Variants in CNTN4 observed in about 807,000 individuals in gnomAD.
CNTN4 encodes the protein contactin 4, also known as contactin-4.
CNTN4 carries 77 observed loss-of-function variants against 122.5 expected under a neutral mutation model. That is an observed-to-expected ratio of 0.63 (90% CI 0.52 to 0.76). The LOEUF (loss-of-function observed/expected upper bound fraction) is 0.76, where lower values mean the gene tolerates loss of function less well. Among genes scored for constraint, CNTN4 ranks in the 30% least tolerant of loss-of-function variants. The pLI, the probability that CNTN4 is intolerant of heterozygous loss-of-function variation, is 0.00. For synonymous variants in CNTN4, 512 were observed against 447.0 expected, an observed-to-expected ratio of 1.15 and a Z score of -1.83; for missense variants, 1,256 against 1,259.1, an observed-to-expected ratio of 1.00 and a Z score of 0.04.
intron 3 of CNTN4, among the ~76,000 whole-genome samples, chr3:2,418,809 G>GC (rs1438622460): frequency 6.6e-6 from 1 of 152,134 alleles, no homozygotes; most frequent in African/African-American, 2.4e-5. Context: ...ATCCATGTTG[G>GC]CTTGCATTGT....
intron 2 of CNTN4, among the ~76,000 whole-genome samples, chr3:2,311,822 T>C (rs2042925612): frequency 6.6e-6 from 1 of 152,078 alleles, no homozygotes; most frequent in African/African-American, 2.4e-5. Flanking sequence ...TAGAAACATG[T>C]TTTCCAAGCA....
At chr3:2,933,043 C>G (rs533895700) in intron 13 of CNTN4, among the ~76,000 whole-genome samples, 3 of 151,972 alleles carry the variant, frequency 2.0e-5, no homozygotes, top group Admixed American at 6.5e-5. Flanking sequence ...AGGATGGTCT[C>G]GATCTCCTGA....
At chr3:2,539,340 T>C (rs909978932) in intron 3 of CNTN4, among the ~76,000 whole-genome samples, 1 of 152,100 alleles carries the variant, frequency 6.6e-6, no homozygotes, top group Non-Finnish European at 1.5e-5. Flanking sequence ...GCTGTTGATA[T>C]GAACCTCATC....
At chr3:2,473,390 T>C (rs2075748984) in intron 3 of CNTN4, among the ~76,000 whole-genome samples, 1 of 152,144 alleles carries the variant, frequency 6.6e-6, no homozygotes, top group South Asian at 2.1e-4. Context: ...TTCCATACCT[T>C]TTATACTAGC....
chr3:2,937,474 A>G (rs2094577113), intron 13 of CNTN4, among the ~76,000 whole-genome samples: 2 of 152,210 alleles, frequency 1.3e-5, no homozygotes, highest in South Asian at 4.1e-4. Context: ...AAGTAATGGG[A>G]AATCTCCATC....
chr3:3,045,643 A>G (rs902882442), intron 23 of CNTN4, among the ~76,000 whole-genome samples: 36 of 152,224 alleles, frequency 2.4e-4, no homozygotes, highest in Non-Finnish European at 5.1e-4. Context: ...CACCATCATC[A>G]AAGACCAAAG....
At chr3:2,748,628 A>G (rs1019569455) in intron 6 of CNTN4, among the ~76,000 whole-genome samples, 2 of 152,206 alleles carry the variant, frequency 1.3e-5, no homozygotes, top group African/African-American at 4.8e-5. Flanking sequence ...AGCCAAATAT[A>G]CTATAATCGA....
At chr3:2,755,772 T>C (rs2090309412) in intron 6 of CNTN4, among the ~76,000 whole-genome samples, 1 of 152,132 alleles carries the variant, frequency 6.6e-6, no homozygotes, top group Admixed American at 6.5e-5. Context: ...GAGAGTATGA[T>C]ATATATATGA....
chr3:2,925,851 A>G lies in CNTN4; in HGVS notation c.1358+72A>G. The G allele has an allele frequency of 3.7e-6, 5 of 1,355,346 alleles. No individual in the cohort carries two copies. The South Asian group carries it at 5.9e-5, about 16-fold the overall frequency. The allele number at this position is 1,355,346 out of a possible 1,614,324, so 84.0% of individuals were successfully genotyped here. ...TGTTGGTCTGTTATTAATAATTCTA[A>G]GGGGAAGGTGGGGTGACTATCTGCT... On this transcript the variant is annotated intron_variant, in intron 13 of 24. Transcript: ENST00000418658.
intron 3 of CNTN4, among the ~76,000 whole-genome samples, chr3:2,439,698 T>G (rs2048367509): frequency 6.6e-6 from 1 of 152,040 alleles, no homozygotes. Context: ...ACAAGTCTAG[T>G]GGCTTGGATA....
chr3:2,293,096 G>A (rs1234047543), intron 2 of CNTN4, among the ~76,000 whole-genome samples: 3 of 149,390 alleles, frequency 2.0e-5, no homozygotes, highest in East Asian at 2.0e-4. Flanking sequence ...TCTTGTGGGT[G>A]TATAGTGCTA....
intron 13 of CNTN4, among the ~76,000 whole-genome samples, chr3:2,983,616 T>C (rs1216420076): frequency 6.6e-6 from 1 of 152,194 alleles, no homozygotes; most frequent in African/African-American, 2.4e-5. Flanking sequence ...AACAACTCTA[T>C]GAGATGTATA....
chr3:2,120,938 C>T (rs1213703443), intron 2 of CNTN4, among the ~76,000 whole-genome samples: 3 of 152,068 alleles, frequency 2.0e-5, no homozygotes, highest in African/African-American at 4.8e-5. Context: ...CTATGATGGC[C>T]TCTGGGTCCT....
At chr3:2,888,203 G>A (rs1446979323) in intron 10 of CNTN4, among the ~76,000 whole-genome samples, 1 of 152,080 alleles carries the variant, frequency 6.6e-6, no homozygotes, top group East Asian at 1.9e-4. Context: ...TAGACAGAAG[G>A]GGACCCCTCT....
chr3:2,988,333 C>A lies in CNTN4; in HGVS notation c.1359-12C>A. The A allele has an allele frequency of 6.2e-7, 1 of 1,613,252 alleles. No homozygotes were observed. ...AATTTCACCATTTTTGGTTCATTTA[C>A]TTTGATTTCAGAATTACCATTTCTG... On this transcript the variant is annotated splice_polypyrimidine_tract_variant and intron_variant, in intron 13 of 24. Transcript: ENST00000418658.
chr3:2,834,802 A>G (rs1327501960), intron 7 of CNTN4, among the ~76,000 whole-genome samples: 4 of 152,050 alleles, frequency 2.6e-5, no homozygotes, highest in Admixed American at 2.6e-4. Flanking sequence ...CTACCAACAA[A>G]ACAGATTTTA....
intron 2 of CNTN4, among the ~76,000 whole-genome samples, chr3:2,299,771 G>A (rs543718277): frequency 3.5e-4 from 54 of 152,154 alleles, no homozygotes; most frequent in African/African-American, 1.3e-3. Context: ...TGAAATCAGT[G>A]TTATATTCTC....
At chr3:2,911,308 A>G (rs2151223842) in intron 12 of CNTN4, among the ~76,000 whole-genome samples, 1 of 152,296 alleles carries the variant, frequency 6.6e-6, no homozygotes, top group Admixed American at 6.5e-5. Context: ...GAAAGTCCAC[A>G]GTACCTGATA....
intron 14 of CNTN4, 103 bp downstream of exon 14, chr3:2,988,575 C>A (rs1694790038): frequency 2.6e-6 from 3 of 1,154,258 alleles, no homozygotes; most frequent in Non-Finnish European, 3.9e-6. Context: ...GTACAGATAC[C>A]ACTGTATTGC....
Sources: gnomAD v4.1 joint callset for allele counts (sites outside exome capture counted in the v4.1 genomes callset) on GRCh38, gnomAD v4.1.1 for gene constraint, MANE v1.5 for transcripts, NCBI Gene and HGNC (gene_info 2026-07-23, HGNC 2026-07-21) for gene names.